DOK6: variants seen among roughly 807,000 people sequenced by gnomAD.
DOK6 encodes downstream of tyrosine kinase 6.
In DOK6, 22 loss-of-function variants were observed where a neutral mutation model predicts 44.0. The ratio of observed to expected loss-of-function variants is 0.50; its 90% CI spans 0.36 to 0.71. The LOEUF is 0.71. Ranked by LOEUF, DOK6 falls within the 30% of genes least tolerant of loss-of-function variation. The pLI is 0.00. For missense variants in DOK6, 340 were observed against 416.4 expected (o/e 0.82, Z 1.60); for synonymous variants, 166 against 145.5 (o/e 1.14, Z -1.01).
intron 3 of DOK6, among the ~76,000 whole-genome samples, chr18:69,664,436 A>G (rs3900688): frequency 0.04 from 6,020 of 152,318 alleles, 301 homozygotes; most frequent in East Asian, 0.12. Flanking sequence ...AATTATCAGA[A>G]TAATTATACT....
Position 69,401,083 on chromosome 18 carries a change from G to T in DOK6, c.-162G>T, listed in dbSNP as rs1343834828. The T allele has an allele frequency of 3.8e-6, 2 of 519,906 alleles. No homozygotes were observed. Among genetic ancestry groups the T allele is most frequent in the South Asian group, 7.7e-5 (1 of 13,060 alleles). The allele number at this position is 519,906 out of a possible 1,614,324, so 32.2% of individuals were successfully genotyped here. ...CCCCGTCCGCGGCGGCCCTGCAGGCGACCCCGCGTCCCCACCGGCGGGAGC... is the reference window on the plus strand; with the variant it reads ...CCCCGTCCGCGGCGGCCCTGCAGGCTACCCCGCGTCCCCACCGGCGGGAGC... On this transcript the variant is annotated 5_prime_UTR_variant, in exon 1 of 8. Transcript: ENST00000382713.
At chr18:69,592,148 T>C (rs1232540946) in intron 2 of DOK6, among the ~76,000 whole-genome samples, 1 of 151,896 alleles carries the variant, frequency 6.6e-6, no homozygotes, top group African/African-American at 2.4e-5. Context: ...CTAATATCTC[T>C]TATAGAAATC....
intron 3 of DOK6, among the ~76,000 whole-genome samples, chr18:69,644,169 T>C (rs964947617): frequency 6.6e-6 from 1 of 152,236 alleles, no homozygotes; most frequent in Non-Finnish European, 1.5e-5. Flanking sequence ...TTGTCAGATA[T>C]GTGGTTTGCA....
At chr18:69,789,859 C>A (rs1980540468) in intron 7 of DOK6, among the ~76,000 whole-genome samples, 1 of 152,096 alleles carries the variant, frequency 6.6e-6, no homozygotes, top group Non-Finnish European at 1.5e-5. Flanking sequence ...AGTTTTCTGC[C>A]ACTAAGCCCT....
Position 69,756,543 on chromosome 18 carries a change from ATAAG to A in DOK6, c.739-1207_739-1204del, listed in dbSNP as rs541920782. Reference sequence around the variant, plus strand: ...CTTACTACTAAGAAAGTAAAATGAAATAAGTAAGTTCAAGCTCTATAATTCCACT... The same window carrying A: ...CTTACTACTAAGAAAGTAAAATGAAATAAGTTCAAGCTCTATAATTCCACT... On this transcript the variant is annotated intron_variant, in intron 6 of 7. Coordinates refer to ENST00000382713, the MANE Select transcript of DOK6 (RefSeq NM_152721.6). Among the ~76,000 whole-genome samples, 118 of 152,346 alleles carry A rather than the reference ATAAG, an allele frequency of 7.7e-4. 1 individual carries two copies. In the Middle Eastern group the frequency reaches 0.01, roughly 13 times the overall value.
chr18:69,840,094 G>A (rs1012578950), intron 7 of DOK6, among the ~76,000 whole-genome samples: 3 of 152,138 alleles, frequency 2.0e-5, no homozygotes, highest in Non-Finnish European at 4.4e-5. Context: ...TATTTTCCAC[G>A]TCGCCAAACA....
At chr18:69,825,986 T>C (rs1283126000) in intron 7 of DOK6, among the ~76,000 whole-genome samples, 1 of 152,178 alleles carries the variant, frequency 6.6e-6, no homozygotes, top group African/African-American at 2.4e-5. Flanking sequence ...CTGTGCTGTA[T>C]GGCAGTGTTA....
chr18:69,523,891 T>A (rs756138779), intron 1 of DOK6, among the ~76,000 whole-genome samples: 1 of 152,004 alleles, frequency 6.6e-6, no homozygotes, highest in African/African-American at 2.4e-5. Flanking sequence ...CATCTACAAA[T>A]GCATTCTCAG....
intron 6 of DOK6, among the ~76,000 whole-genome samples, chr18:69,743,551 A>G (rs1978873211): frequency 6.6e-6 from 1 of 152,212 alleles, no homozygotes; most frequent in South Asian, 2.1e-4. Flanking sequence ...CTTTACATGC[A>G]CACACATGCA....
chr18:69,539,062 A>G (rs1472817386), intron 1 of DOK6, among the ~76,000 whole-genome samples: 1 of 152,200 alleles, frequency 6.6e-6, no homozygotes, highest in Non-Finnish European at 1.5e-5. Flanking sequence ...AGCTGTTATT[A>G]TAATAGAAGC....
chr18:69,716,986 T>G (rs1986898654), intron 5 of DOK6, among the ~76,000 whole-genome samples: 1 of 152,242 alleles, frequency 6.6e-6, no homozygotes, highest in African/African-American at 2.4e-5. Context: ...TTTTAGATTC[T>G]TCCATGGTAT....
At chr18:69,596,537 C>A (rs554393285) in intron 2 of DOK6, among the ~76,000 whole-genome samples, 2 of 152,218 alleles carry the variant, frequency 1.3e-5, no homozygotes, top group South Asian at 2.1e-4. Context: ...TAACATCTGA[C>A]TTCTCACTAA....
At chr18:69,642,389 T>C (rs1325331517) in intron 3 of DOK6, among the ~76,000 whole-genome samples, 1 of 152,134 alleles carries the variant, frequency 6.6e-6, no homozygotes, top group Non-Finnish European at 1.5e-5. Context: ...ACTTGTTTGC[T>C]AGGCATGGTA....
At chr18:69,675,543 A>C (rs1442565907) in intron 3 of DOK6, among the ~76,000 whole-genome samples, 2 of 152,236 alleles carry the variant, frequency 1.3e-5, no homozygotes, top group African/African-American at 4.8e-5. Flanking sequence ...TAAAAATTTA[A>C]AAGAAAAACA....
chr18:69,661,907 G>A (rs1185349258), intron 3 of DOK6: 1 of 152,200 alleles, frequency 6.6e-6, no homozygotes, highest in African/African-American at 2.4e-5. Flanking sequence ...GTACCCAGGT[G>A]TGTCCACTCT....
intron 1 of DOK6, among the ~76,000 whole-genome samples, chr18:69,546,867 T>C (rs2144585135): frequency 6.6e-6 from 1 of 151,692 alleles, no homozygotes; most frequent in South Asian, 2.1e-4. Flanking sequence ...TGTTAAGCTG[T>C]TCTTACATTA....
chr18:69,776,550 T>C (rs1443832814), intron 7 of DOK6, among the ~76,000 whole-genome samples: 1 of 151,774 alleles, frequency 6.6e-6, no homozygotes, highest in Non-Finnish European at 1.5e-5. Flanking sequence ...TAGAAGAAAA[T>C]AGGGATGGAA....
intron 3 of DOK6, among the ~76,000 whole-genome samples, chr18:69,612,428 C>CGCATGTGTGCGAGGGT (rs1984171217): frequency 6.6e-6 from 1 of 150,558 alleles, no homozygotes; most frequent in African/African-American, 2.4e-5. Context: ...TGTGCGAGGG[C>CGCATGTGTGCGAGGGT]GCATGTGTGC....
At chr18:69,818,846 A>G (rs1981480783) in intron 7 of DOK6, among the ~76,000 whole-genome samples, 1 of 152,192 alleles carries the variant, frequency 6.6e-6, no homozygotes. Flanking sequence ...AGCCACAGTC[A>G]TAGCCCTGGG....
Sources: allele counts gnomAD v4.1 joint callset (sites outside exome capture counted in the v4.1 genomes callset), GRCh38; gene constraint gnomAD v4.1.1; transcripts MANE v1.5; gene names NCBI Gene and HGNC (gene_info 2026-07-23, HGNC 2026-07-21).